The following PUM1 variants were observed in gnomAD, a reference collection of about 807,000 sequenced individuals.
PUM1 encodes pumilio RNA binding family member 1.
Under a neutral mutation model 131.8 loss-of-function variants are expected in PUM1, and 13 were observed. The ratio of observed to expected loss-of-function variants is 0.10; its 90% CI spans 0.06 to 0.16. The LOEUF is 0.16. Among genes scored for constraint, PUM1 ranks in the 10% least tolerant of loss-of-function variants. The pLI is 1.00. For missense variants in PUM1, 961 were observed against 1,512.4 expected, an observed-to-expected ratio of 0.64 and a Z score of 6.05; for synonymous variants, 509 against 556.5, an observed-to-expected ratio of 0.91 and a Z score of 1.20.
At chr1:30,975,739 GT>G (rs759902264) in intron 9 of PUM1, among the ~76,000 whole-genome samples, 2 of 151,638 alleles carry the variant, frequency 1.3e-5, no homozygotes, top group Non-Finnish European at 2.9e-5. Context: ...TTAAGTCAAC[GT>G]TGAACACAAA....
chr1:31,038,984 A>ATATATATTTTTTTTTTTTTTTTTT, intron 2 of PUM1, among the ~76,000 whole-genome samples: 8 of 49,414 alleles, frequency 1.6e-4, no homozygotes, highest in African/African-American at 1.0e-3. Flanking sequence ...ATATATATAT[A>ATATATATTTTTTTTTTTTTTTTTT]TTTTTTTTTT....
chr1:30,958,972 A>G (rs1381262120), intron 14 of PUM1, among the ~76,000 whole-genome samples: 1 of 152,184 alleles, frequency 6.6e-6, no homozygotes, highest in African/African-American at 2.4e-5. Context: ...ATTGAGAGAG[A>G]GATTTCACTT....
chr1:30,966,359 A>C lies in PUM1; in HGVS notation c.1790-81T>G. ...ACTACATTTTTATCTTTTTTCAAAA[A>C]ATCTTTTAATGCTGCCTATCTTTTC... On this transcript the variant is annotated intron_variant, in intron 12 of 21. Transcript: ENST00000426105. 2.9e-6 allele frequency: 4 copies of C among 1,369,784 alleles called. No individual in the cohort carries two copies. The South Asian group carries it at 5.8e-5, about 20-fold the overall frequency. The allele number at this position is 1,369,784 out of a possible 1,614,324, so 84.9% of individuals were successfully genotyped here.
chr1:31,050,245 G>A (rs1418807227), intron 2 of PUM1, among the ~76,000 whole-genome samples: 1 of 152,096 alleles, frequency 6.6e-6, no homozygotes, highest in East Asian at 1.9e-4. Flanking sequence ...AGTACTTTGG[G>A]AGGCCAAGGT....
intron 17 of PUM1, among the ~76,000 whole-genome samples, chr1:30,948,003 G>A (rs1639754799): frequency 6.6e-6 from 1 of 151,654 alleles, no homozygotes; most frequent in Admixed American, 6.6e-5. Flanking sequence ...CTATAGGAGT[G>A]CACCACCATG....
chr1:31,018,149 A>C (rs916636108), intron 3 of PUM1, among the ~76,000 whole-genome samples: 6 of 151,838 alleles, frequency 4.0e-5, no homozygotes, highest in Non-Finnish European at 8.8e-5. Flanking sequence ...CAGGAGTTCA[A>C]GACCAGCCTG....
rs1483739163 is a variant in PUM1 at position 31,005,976 on chromosome 1, A to G, written c.597T>C (p.His199=). The change falls in exon 5 of 22, where the codon CAT becomes CAC. Residue 199 remains histidine (H), a synonymous_variant. Coordinates refer to ENST00000426105, the MANE Select transcript of PUM1 (RefSeq NM_001020658.2). ...MVQRRPGQSF[H]VNSEVNSVLS... is the part of the protein sequence containing the mutation. ...GTACAGAATTGACCTCACTGTTCAC[A>G]TGGAAACTCTGACCAGGTCTTCTCT... 1 of 1,613,374 alleles carries G rather than the reference A, an allele frequency of 6.2e-7. No individual in the cohort carries two copies.
At chr1:31,039,179 A>G (rs1437964712) in intron 2 of PUM1, among the ~76,000 whole-genome samples, 1 of 145,160 alleles carries the variant, frequency 6.9e-6, no homozygotes, top group Non-Finnish European at 1.5e-5. Flanking sequence ...TAATTTTTTT[A>G]TAGCAATGAG....
intron 12 of PUM1, 82 bp downstream of exon 12, chr1:30,967,085 T>G (rs963383625): frequency 5.2e-6 from 8 of 1,548,530 alleles, no homozygotes; most frequent in Non-Finnish European, 6.2e-6. Flanking sequence ...TGCCAAAAGT[T>G]TATTTCAACA....
chr1:31,015,683 T>G (rs2124524955), intron 3 of PUM1, among the ~76,000 whole-genome samples: 1 of 149,552 alleles, frequency 6.7e-6, no homozygotes, highest in Non-Finnish European at 1.5e-5. Flanking sequence ...TTTCTTTTTT[T>G]TTTTTTTGAG....
At chr1:31,019,445 G>C (rs924018359) in intron 3 of PUM1, among the ~76,000 whole-genome samples, 3 of 152,162 alleles carry the variant, frequency 2.0e-5, no homozygotes, top group African/African-American at 7.2e-5. Context: ...ACTTCAAAAC[G>C]CACAGGGGTT....
At chr1:31,030,332 T>C (rs1643380457) in intron 2 of PUM1, among the ~76,000 whole-genome samples, 1 of 152,154 alleles carries the variant, frequency 6.6e-6, no homozygotes, top group Non-Finnish European at 1.5e-5. Flanking sequence ...CCTTCCAATG[T>C]CTGTTTACAA....
chr1:30,973,586 A>AT (rs1641017405), intron 10 of PUM1, among the ~76,000 whole-genome samples: 1 of 152,252 alleles, frequency 6.6e-6, no homozygotes, highest in Non-Finnish European at 1.5e-5. Flanking sequence ...TACCTAGTAA[A>AT]AATGTCATTT....
At chr1:31,009,017 C>CA (rs57893493) in intron 3 of PUM1, among the ~76,000 whole-genome samples, 46,904 of 121,626 alleles carry the variant, frequency 0.39, 9,352 homozygotes, top group East Asian at 0.84. Context: ...ACTAAAAATA[C>CA]AAAAAAAAAA....
At chr1:31,042,734 T>C (rs1053567475) in intron 2 of PUM1, among the ~76,000 whole-genome samples, 1 of 152,230 alleles carries the variant, frequency 6.6e-6, no homozygotes, top group African/African-American at 2.4e-5. Flanking sequence ...CCTTAATCCA[T>C]GTACATCACT....
At chr1:31,005,808 AGAGAG>A (rs768472686) in intron 5 of PUM1, 40 bp downstream of exon 5, 16 of 1,506,932 alleles carry the variant, frequency 1.1e-5, no homozygotes, top group South Asian at 1.4e-5. Context: ...AGAGAGAGAG[AGAGAG>A]AGAGAGAGAG....
intron 14 of PUM1, among the ~76,000 whole-genome samples, chr1:30,960,754 T>C (rs552973495): frequency 7.4e-4 from 112 of 152,192 alleles, no homozygotes; most frequent in African/African-American, 2.6e-3. Flanking sequence ...GAAATGCATG[T>C]GCAAAAAGAT....
chr1:30,937,960 C>T (rs1012098884), intron 20 of PUM1, among the ~76,000 whole-genome samples: 1 of 151,990 alleles, frequency 6.6e-6, no homozygotes, highest in African/African-American at 2.4e-5. Flanking sequence ...TTAGTAGAGA[C>T]GGGGTTTCAC....
At chr1:31,009,078 G>A (rs1355410702) in intron 3 of PUM1, among the ~76,000 whole-genome samples, 1 of 151,626 alleles carries the variant, frequency 6.6e-6, no homozygotes, top group Non-Finnish European at 1.5e-5. Flanking sequence ...AGCTCCTCAG[G>A]AGGCTGCGGC....
Sources: allele counts gnomAD v4.1 joint callset (sites outside exome capture counted in the v4.1 genomes callset), GRCh38; gene constraint gnomAD v4.1.1; transcripts MANE v1.5; gene names NCBI Gene and HGNC (gene_info 2026-07-23, HGNC 2026-07-21).